Variants in ACTR3C observed in about 807,000 individuals in gnomAD.
ACTR3C encodes actin related protein 3C.
Under a neutral mutation model 26.3 loss-of-function variants are expected in ACTR3C, and 18 were observed. The observed-to-expected ratio is 0.68, with a 90% CI of 0.47 to 1.01. ACTR3C has a LOEUF of 1.01. Among genes scored for constraint, ACTR3C ranks in the 50% least tolerant of loss-of-function variants. The probability of loss-of-function intolerance (pLI) is 0.00; values close to 1 mark genes in which losing one functional copy is unlikely to be tolerated. For synonymous variants in ACTR3C, 55 were observed against 94.5 expected (o/e 0.58, Z 2.42); for missense variants, 184 against 250.7 (o/e 0.73, Z 1.80).
At chr7:149,997,916 T>C in the ACTR3C span, among the ~76,000 whole-genome samples, 1 of 150,088 alleles carries the variant, frequency 6.7e-6, no homozygotes, top group African/African-American at 2.4e-5. Context: ...ATATTTGTTT[T>C]ATTTATACAG....
chr7:149,961,314 A>C, the ACTR3C span, among the ~76,000 whole-genome samples: 1 of 151,936 alleles, frequency 6.6e-6, no homozygotes, highest in Non-Finnish European at 1.5e-5. Flanking sequence ...TTGCACAGAG[A>C]GGAAGTATGT....
intron 6 of ACTR3C, among the ~76,000 whole-genome samples, chr7:150,252,120 G>T (rs573982397): frequency 1.1e-3 from 166 of 145,466 alleles, no homozygotes; most frequent in African/African-American, 4.2e-3. Context: ...GTTTGTGTAT[G>T]TGTCTGTGTG....
At chr7:150,077,570 G>T in the ACTR3C span, among the ~76,000 whole-genome samples, 1 of 152,084 alleles carries the variant, frequency 6.6e-6, no homozygotes, top group Non-Finnish European at 1.5e-5. Flanking sequence ...AATATAGCAT[G>T]ATGGATCCAG....
At chr7:150,197,708 A>G in the ACTR3C span, among the ~76,000 whole-genome samples, 3 of 152,168 alleles carry the variant, frequency 2.0e-5, no homozygotes, top group African/African-American at 7.2e-5. Flanking sequence ...ACTTGGTCCT[A>G]TCACACGGAT....
At chr7:149,992,793 T>G in the ACTR3C span, among the ~76,000 whole-genome samples, 1 of 152,216 alleles carries the variant, frequency 6.6e-6, no homozygotes, top group African/African-American at 2.4e-5. Context: ...TTGTCTCACA[T>G]GCTCACGAGG....
chr7:149,916,974 G>A, the ACTR3C span, among the ~76,000 whole-genome samples: 5 of 152,048 alleles, frequency 3.3e-5, no homozygotes, highest in African/African-American at 4.8e-5. Flanking sequence ...CCTTTAAGAA[G>A]TCTTACACTA....
chr7:150,039,417 G>GTAATCCCACGTAAGGTACC, the ACTR3C span, among the ~76,000 whole-genome samples: 1 of 46,750 alleles, frequency 2.1e-5, no homozygotes, highest in Admixed American at 2.2e-4. Context: ...CTGGCTCTCA[G>GTAATCCCACGTAAGGTACC]TCCCTGCCTC....
chr7:150,148,809 A>C, the ACTR3C span, among the ~76,000 whole-genome samples: 3 of 152,004 alleles, frequency 2.0e-5, no homozygotes. Context: ...GCATTTATAA[A>C]TGGTACCTAA....
chr7:149,911,136 G>A, the ACTR3C span, among the ~76,000 whole-genome samples: 1 of 151,852 alleles, frequency 6.6e-6, no homozygotes, highest in African/African-American at 2.4e-5. Context: ...AGGCAATAGA[G>A]AGCCTGACCT....
chr7:150,240,849 T>C (rs1353409507), downstream of ACTR3C, among the ~76,000 whole-genome samples: 12 of 152,220 alleles, frequency 7.9e-5, no homozygotes, highest in African/African-American at 2.2e-4. Context: ...GATCTAATAA[T>C]TGATGATGAA....
chr7:150,198,533 G>A, the ACTR3C span, among the ~76,000 whole-genome samples: 1 of 144,902 alleles, frequency 6.9e-6, no homozygotes, highest in African/African-American at 2.7e-5. Context: ...CTGCCCGGCC[G>A]AGACCCAGTC....
At chr7:150,133,019 T>A in the ACTR3C span, among the ~76,000 whole-genome samples, 1 of 152,172 alleles carries the variant, frequency 6.6e-6, no homozygotes, top group South Asian at 2.1e-4. Context: ...TTATTCCTCA[T>A]CTGATTCCTG....
the ACTR3C span, among the ~76,000 whole-genome samples, chr7:149,884,601 A>G: frequency 1.3e-5 from 2 of 152,186 alleles, no homozygotes; most frequent in African/African-American, 4.8e-5. Flanking sequence ...ACTTAAAAAA[A>G]AAAAAGGAAT....
chr7:150,015,658 TCTTGACGTCC>T, the ACTR3C span, among the ~76,000 whole-genome samples: 1 of 152,170 alleles, frequency 6.6e-6, no homozygotes, highest in Non-Finnish European at 1.5e-5. Flanking sequence ...ATTACCACGC[TCTTGACGTCC>T]CTTGATTTTC....
At chr7:150,017,374 G>A in the ACTR3C span, among the ~76,000 whole-genome samples, 4 of 151,464 alleles carry the variant, frequency 2.6e-5, no homozygotes, top group African/African-American at 9.8e-5. Context: ...TGTTTCTCCA[G>A]GTCCCTGACT....
chr7:150,003,104 G>A, the ACTR3C span: 9 of 152,280 alleles, frequency 5.9e-5, no homozygotes, highest in African/African-American at 1.9e-4. Context: ...GGCTCCAAGT[G>A]GTGGGGGCAC....
At chr7:149,987,379 A>G in the ACTR3C span, among the ~76,000 whole-genome samples, 1 of 148,136 alleles carries the variant, frequency 6.8e-6, no homozygotes, top group Non-Finnish European at 1.5e-5. Context: ...CAGCCTGGCC[A>G]ACATGGTGAA....
At chr7:150,002,891 GCACACACAGGAC>G in the ACTR3C span, 1 of 152,196 alleles carries the variant, frequency 6.6e-6, no homozygotes, top group Non-Finnish European at 1.5e-5. Flanking sequence ...ACTGTAATGG[GCACACACAGGAC>G]CCAGGGTGGG....
the ACTR3C span, among the ~76,000 whole-genome samples, chr7:150,189,972 G>A: frequency 6.6e-6 from 1 of 151,242 alleles, no homozygotes; most frequent in African/African-American, 2.4e-5. Context: ...TTATCAGAAA[G>A]TTCTCACTTT....
Sources: gnomAD v4.1 joint callset for allele counts (sites outside exome capture counted in the v4.1 genomes callset) on GRCh38, gnomAD v4.1.1 for gene constraint, MANE v1.5 for transcripts, NCBI Gene and HGNC (gene_info 2026-07-23, HGNC 2026-07-21) for gene names.